SORCS1: variants seen among roughly 807,000 people sequenced by gnomAD.
SORCS1 encodes the protein VPS10 domain-containing receptor SorCS1.
A neutral mutation model predicts 146.1 loss-of-function variants in SORCS1; 60 were observed. The observed-to-expected ratio is 0.41, with a 90% CI of 0.33 to 0.51. The LOEUF is 0.51. SORCS1 is among the 20% of genes least tolerant of loss of function. The pLI is 0.21. For synonymous variants in SORCS1, 637 were observed against 584.0 expected (o/e 1.09, Z -1.31); for missense variants, 1,352 against 1,487.6 (o/e 0.91, Z 1.50).
At chr10:107,134,902 C>T (rs1484273912) in intron 1 of SORCS1, among the ~76,000 whole-genome samples, 1 of 152,106 alleles carries the variant, frequency 6.6e-6, no homozygotes, top group African/African-American at 2.4e-5. Context: ...AAGAAACACA[C>T]AAGGAAGAGA....
intron 2 of SORCS1, among the ~76,000 whole-genome samples, chr10:106,871,694 G>A (rs1290409940): frequency 6.6e-6 from 1 of 152,152 alleles, no homozygotes; most frequent in Non-Finnish European, 1.5e-5. Context: ...TAAATGATGA[G>A]CACTCATGAA....
chr10:106,880,576 T>C (rs1218443768), intron 2 of SORCS1, among the ~76,000 whole-genome samples: 2 of 152,194 alleles, frequency 1.3e-5, no homozygotes, highest in African/African-American at 4.8e-5. Flanking sequence ...CTCAGAAATC[T>C]ATAGTCTAAT....
chr10:106,741,803 A>C (rs1443540030), intron 5 of SORCS1, among the ~76,000 whole-genome samples: 1 of 152,138 alleles, frequency 6.6e-6, no homozygotes, highest in East Asian at 1.9e-4. Flanking sequence ...AGGGTTTCTA[A>C]GTTTGAAGGT....
chr10:107,120,314 G>A (rs1286481949), intron 1 of SORCS1, among the ~76,000 whole-genome samples: 2 of 152,074 alleles, frequency 1.3e-5, no homozygotes. Flanking sequence ...CACATAGCAG[G>A]CAGGTAATTT....
intron 18 of SORCS1, among the ~76,000 whole-genome samples, chr10:106,650,396 C>G (rs528644571): frequency 6.6e-6 from 1 of 152,300 alleles, no homozygotes; most frequent in Non-Finnish European, 1.5e-5. Context: ...CTTGATAGGT[C>G]TTGAATTCAA....
At chr10:106,778,515 G>A (rs1047263608) in intron 3 of SORCS1, among the ~76,000 whole-genome samples, 2 of 152,054 alleles carry the variant, frequency 1.3e-5, no homozygotes, top group African/African-American at 4.8e-5. Flanking sequence ...AAAATCTAGT[G>A]TATGCATTAA....
At chr10:106,845,761 A>G (rs1327646052) in intron 2 of SORCS1, among the ~76,000 whole-genome samples, 3 of 65,760 alleles carry the variant, frequency 4.6e-5, no homozygotes, top group African/African-American at 1.4e-4. Context: ...ATTTTTGTAT[A>G]AGGTGTAAGG....
At chr10:106,757,820 T>C (rs553494349) in intron 5 of SORCS1, among the ~76,000 whole-genome samples, 1 of 152,338 alleles carries the variant, frequency 6.6e-6, no homozygotes, top group African/African-American at 2.4e-5. Context: ...GCACAGACTG[T>C]GGTGACAGAC....
At chr10:107,138,608 C>T (rs1256283983) in intron 1 of SORCS1, among the ~76,000 whole-genome samples, 2 of 152,178 alleles carry the variant, frequency 1.3e-5, no homozygotes, top group Non-Finnish European at 2.9e-5. Context: ...AGATTATTCA[C>T]ACTTTGAGGA....
intron 19 of SORCS1, 62 bp from the exon 20 acceptor site, chr10:106,620,623 T>C: frequency 6.5e-7 from 1 of 1,548,674 alleles, no homozygotes; most frequent in Middle Eastern, 2.0e-4. Flanking sequence ...CTGTCCTCCC[T>C]GCTCTGAAGA....
At chr10:106,594,494 G>A (rs17121030) in intron 24 of SORCS1, among the ~76,000 whole-genome samples, 22,556 of 152,124 alleles carry the variant, frequency 0.15, 1,859 homozygotes, top group South Asian at 0.3. Context: ...CATCATTAGA[G>A]CATAATGCAA....
Position 106,970,905 on chromosome 10 carries a change from ATTTTTT to A in SORCS1, c.559-14331_559-14326del, listed in dbSNP as rs34657393. ...AGGCACCCGCCACCATGCACAGCTA[ATTTTTT>A]TTTTTTTTTTTTTTTTTCAGTAGAG... On this transcript the variant is annotated intron_variant, in intron 1 of 25. Transcript: ENST00000263054. Among the ~76,000 whole-genome samples, 5 of 96,482 alleles carry A rather than the reference ATTTTTT, an allele frequency of 5.2e-5. No homozygotes were observed. The East Asian group carries it at 9.4e-4, about 18-fold the overall frequency. 63.3% of individuals were successfully genotyped at this position (96,482 alleles called of 152,430 possible).
At chr10:107,085,142 A>G (rs906783160) in intron 1 of SORCS1, among the ~76,000 whole-genome samples, 1 of 152,238 alleles carries the variant, frequency 6.6e-6, no homozygotes, top group Non-Finnish European at 1.5e-5. Flanking sequence ...ACAGAGAGAC[A>G]CAGAAAGACA....
chr10:107,163,441 A>C (rs1276625839), intron 1 of SORCS1, among the ~76,000 whole-genome samples: 1 of 152,216 alleles, frequency 6.6e-6, no homozygotes, highest in African/African-American at 2.4e-5. Context: ...ACTAAAGAAC[A>C]CCTTATATAC....
intron 24 of SORCS1, among the ~76,000 whole-genome samples, chr10:106,593,554 C>T (rs2133289357): frequency 6.6e-6 from 1 of 152,336 alleles, no homozygotes; most frequent in African/African-American, 2.4e-5. Flanking sequence ...GTTTACTTAT[C>T]AAACTGGAGC....
chr10:107,036,473 A>T (rs1461577631), intron 1 of SORCS1, among the ~76,000 whole-genome samples: 1 of 152,212 alleles, frequency 6.6e-6, no homozygotes, highest in Non-Finnish European at 1.5e-5. Flanking sequence ...CTATGCTCCC[A>T]GACACATATA....
chr10:106,875,399 T>C (rs1187647168), intron 2 of SORCS1, among the ~76,000 whole-genome samples: 2 of 152,220 alleles, frequency 1.3e-5, no homozygotes, highest in Non-Finnish European at 2.9e-5. Flanking sequence ...GTCTTTGCAA[T>C]TGTGAATTGA....
chr10:107,070,302 C>T (rs1473169971), intron 1 of SORCS1, among the ~76,000 whole-genome samples: 1 of 152,052 alleles, frequency 6.6e-6, no homozygotes, highest in African/African-American at 2.4e-5. Context: ...ATGTTTTCAG[C>T]TCTTTGGTGT....
At chr10:106,974,311 C>T (rs545720219) in intron 1 of SORCS1, among the ~76,000 whole-genome samples, 51 of 152,098 alleles carry the variant, frequency 3.4e-4, no homozygotes, top group African/African-American at 9.9e-4. Flanking sequence ...AGTAGGGAGA[C>T]GGGAATCTGG....
Sources: allele counts gnomAD v4.1 joint callset (sites outside exome capture counted in the v4.1 genomes callset), GRCh38; gene constraint gnomAD v4.1.1; transcripts MANE v1.5; gene names NCBI Gene and HGNC (gene_info 2026-07-23, HGNC 2026-07-21).